Variants in TMEM132D observed in about 807,000 individuals in gnomAD.
TMEM132D encodes the protein transmembrane protein 132D, also known as mature OL transmembrane protein.
Under a neutral mutation model 62.3 loss-of-function variants are expected in TMEM132D, and 21 were observed. The ratio of observed to expected loss-of-function variants is 0.34; its 90% CI spans 0.24 to 0.49. TMEM132D has a LOEUF of 0.49. Ranked by LOEUF, TMEM132D falls within the 20% of genes least tolerant of loss-of-function variation. The pLI, the probability that TMEM132D is intolerant of heterozygous loss-of-function variation, is 0.99. For synonymous variants in TMEM132D, 621 were observed against 575.6 expected (o/e 1.08, Z -1.13); for missense variants, 1,346 against 1,402.8 (o/e 0.96, Z 0.65).
At chr12:129,427,108 T>A (rs892449760) in intron 3 of TMEM132D, among the ~76,000 whole-genome samples, 1 of 152,210 alleles carries the variant, frequency 6.6e-6, no homozygotes, top group Non-Finnish European at 1.5e-5. Context: ...CCTTGTCTTG[T>A]CAGTGCTCAA....
At chr12:129,789,754 G>A (rs1029800379) in intron 1 of TMEM132D, among the ~76,000 whole-genome samples, 1 of 152,170 alleles carries the variant, frequency 6.6e-6, no homozygotes, top group African/African-American at 2.4e-5. Context: ...GACACATTGA[G>A]AAGAAACATG....
At chr12:129,297,225 G>C (rs1260640044) in intron 4 of TMEM132D, among the ~76,000 whole-genome samples, 1 of 152,136 alleles carries the variant, frequency 6.6e-6, no homozygotes, top group Non-Finnish European at 1.5e-5. Flanking sequence ...GAACCAGGTG[G>C]GGCAGACAGA....
chr12:129,623,654 T>C (rs959282725), intron 2 of TMEM132D, among the ~76,000 whole-genome samples: 16 of 147,502 alleles, frequency 1.1e-4, no homozygotes, highest in African/African-American at 4.0e-4. Flanking sequence ...TATGTGTGTA[T>C]ATATATATAC....
chr12:129,876,744 G>A (rs1874427118), intron 1 of TMEM132D, among the ~76,000 whole-genome samples: 2 of 152,180 alleles, frequency 1.3e-5, no homozygotes, highest in South Asian at 4.1e-4. Flanking sequence ...CCTTACTGCT[G>A]TTAGTGTCCA....
intron 4 of TMEM132D, among the ~76,000 whole-genome samples, chr12:129,311,251 G>C (rs1881969715): frequency 8.7e-6 from 1 of 115,192 alleles, no homozygotes; most frequent in Non-Finnish European, 1.9e-5. Context: ...AGGACAGAAA[G>C]TGATCAAAAA....
At chr12:129,246,912 T>C (rs989185895) in intron 4 of TMEM132D, among the ~76,000 whole-genome samples, 1 of 152,194 alleles carries the variant, frequency 6.6e-6, no homozygotes, top group African/African-American at 2.4e-5. Flanking sequence ...GTTGAGTTCA[T>C]TTACTGGAAA....
chr12:129,099,313 A>G (rs1486306074), intron 5 of TMEM132D, among the ~76,000 whole-genome samples: 1 of 152,178 alleles, frequency 6.6e-6, no homozygotes, highest in Non-Finnish European at 1.5e-5. Flanking sequence ...ATTAATTTTT[A>G]TGCCATTTCT....
intron 4 of TMEM132D, among the ~76,000 whole-genome samples, chr12:129,270,559 T>C (rs937273027): frequency 2.6e-5 from 4 of 152,154 alleles, no homozygotes; most frequent in Non-Finnish European, 5.9e-5. Context: ...CTCCATCAAT[T>C]AGTAGAATGA....
rs991881226 is a variant in TMEM132D at position 129,292,621 on chromosome 12, T to C, written c.1299+45013A>G. 5.9e-5 allele frequency among the ~76,000 whole-genome samples: 9 copies of C among 152,302 alleles called. No individual in the cohort carries two copies. In the East Asian group the frequency reaches 1.7e-3, roughly 29 times the overall value. ...CTCCTATCCTGCCACCTATTATTGT[T>C]AATATAGATGAGTATAGACACATGC... On this transcript the variant is annotated intron_variant, in intron 4 of 8. Transcript: ENST00000422113.
At chr12:129,744,846 T>C (rs1428902302) in intron 1 of TMEM132D, among the ~76,000 whole-genome samples, 1 of 152,198 alleles carries the variant, frequency 6.6e-6, no homozygotes. Context: ...ATCCTACTGA[T>C]ATGGTTGGGC....
intron 3 of TMEM132D, among the ~76,000 whole-genome samples, chr12:129,463,116 G>A (rs1047893841): frequency 6.6e-6 from 1 of 152,180 alleles, no homozygotes; most frequent in African/African-American, 2.4e-5. Context: ...TTCTGGAGAA[G>A]AGCGCTGAAC....
chr12:129,346,801 G>A (rs968787230), intron 3 of TMEM132D, among the ~76,000 whole-genome samples: 6 of 152,140 alleles, frequency 3.9e-5, no homozygotes, highest in African/African-American at 1.4e-4. Context: ...TGTATATTTA[G>A]AAAACCCCAT....
intron 1 of TMEM132D, among the ~76,000 whole-genome samples, chr12:129,821,358 G>A (rs1872537506): frequency 6.6e-6 from 1 of 152,132 alleles, no homozygotes; most frequent in Non-Finnish European, 1.5e-5. Flanking sequence ...AATGACTAAA[G>A]GACTCCAAAA....
intron 3 of TMEM132D, among the ~76,000 whole-genome samples, chr12:129,436,479 G>A (rs768016954): frequency 1.3e-5 from 2 of 152,138 alleles, no homozygotes; most frequent in African/African-American, 2.4e-5. Context: ...AGTGGTGTGA[G>A]GCAGCTGGGT....
intron 2 of TMEM132D, among the ~76,000 whole-genome samples, chr12:129,599,940 T>A (rs1878442232): frequency 6.6e-6 from 1 of 152,176 alleles, no homozygotes; most frequent in Non-Finnish European, 1.5e-5. Context: ...CTAATCAGGT[T>A]GGGGACTGCT....
chr12:129,292,553 C>A (rs1359457529), intron 4 of TMEM132D, among the ~76,000 whole-genome samples: 1 of 152,218 alleles, frequency 6.6e-6, no homozygotes, highest in Non-Finnish European at 1.5e-5. Flanking sequence ...TCCTCATGAG[C>A]ATCTCAATTC....
At chr12:129,084,378 G>C (rs553108684) in intron 6 of TMEM132D, 119 bp downstream of exon 6, 3 of 975,664 alleles carry the variant, frequency 3.1e-6, no homozygotes, top group South Asian at 3.8e-5. Context: ...CAAGCTGAGC[G>C]GTGGAGGGAG....
chr12:129,562,362 C>T (rs978337329), intron 2 of TMEM132D, among the ~76,000 whole-genome samples: 1 of 152,144 alleles, frequency 6.6e-6, no homozygotes, highest in Non-Finnish European at 1.5e-5. Flanking sequence ...TTACCCAGCT[C>T]GAACGCCATT....
intron 1 of TMEM132D, among the ~76,000 whole-genome samples, chr12:129,821,712 G>A (rs1872546180): frequency 6.6e-6 from 1 of 152,120 alleles, no homozygotes; most frequent in Non-Finnish European, 1.5e-5. Context: ...CAACACACAG[G>A]TGCATCACCT....
Sources: allele counts gnomAD v4.1 joint callset (sites outside exome capture counted in the v4.1 genomes callset), GRCh38; gene constraint gnomAD v4.1.1; transcripts MANE v1.5; gene names NCBI Gene and HGNC (gene_info 2026-07-23, HGNC 2026-07-21).